Variants in ADGRE5 observed in about 807,000 individuals in gnomAD.
ADGRE5 encodes the protein adhesion G protein-coupled receptor E5, also known as CD97 molecule.
A neutral mutation model predicts 100.3 loss-of-function variants in ADGRE5; 72 were observed. The ratio of observed to expected loss-of-function variants is 0.72; its 90% CI spans 0.59 to 0.87. The LOEUF (loss-of-function observed/expected upper bound fraction) is 0.87, where lower values mean the gene tolerates loss of function less well. Among genes scored for constraint, ADGRE5 ranks in the 40% least tolerant of loss-of-function variants. The probability of loss-of-function intolerance (pLI) is 0.00; values close to 1 mark genes in which losing one functional copy is unlikely to be tolerated. For synonymous variants in ADGRE5, 439 were observed against 447.8 expected, an observed-to-expected ratio of 0.98 and a Z score of 0.25; for missense variants, 959 against 1,094.7, an observed-to-expected ratio of 0.88 and a Z score of 1.75.
intron 1 of ADGRE5, among the ~76,000 whole-genome samples, chr19:14,382,665 C>G (rs1018080589): frequency 1.3e-5 from 2 of 151,836 alleles, no homozygotes; most frequent in African/African-American, 4.8e-5. Flanking sequence ...GGACTGGAGA[C>G]TAGCCTGGGC....
At chr19:14,386,814 G>A (rs1446197920) in intron 1 of ADGRE5, among the ~76,000 whole-genome samples, 2 of 150,850 alleles carry the variant, frequency 1.3e-5, no homozygotes, top group Non-Finnish European at 2.9e-5. Flanking sequence ...GGGAGTTCAA[G>A]ACCAGCCTGG....
intron 18 of ADGRE5, among the ~76,000 whole-genome samples, chr19:14,407,696 G>A (rs900790235): frequency 6.6e-6 from 1 of 151,782 alleles, no homozygotes; most frequent in African/African-American, 2.4e-5. Context: ...TCAGGAGGCT[G>A]GGGCAAGAGG....
At chr19:14,407,276 T>C (rs372589064) in intron 18 of ADGRE5, 47 bp downstream of exon 18, 24 of 1,596,174 alleles carry the variant, frequency 1.5e-5, no homozygotes, top group African/African-American at 1.2e-4. Flanking sequence ...CTCCCACCTA[T>C]TTGGGAGGCT....
chr19:14,406,332 T>A lies in ADGRE5; in HGVS notation c.1823T>A (p.Val608Glu). 2 of 1,558,492 alleles carry A rather than the reference T, an allele frequency of 1.3e-6. No individual in the cohort carries two copies. The highest frequency in any genetic ancestry group is 1.7e-6 in the Non-Finnish European group (2 of 1,154,586). Residue 608 changes from valine to glutamate, a missense_variant and splice_region_variant, in exon 15 of 20, where the codon GTG becomes GAG. Coordinates refer to ENST00000242786, the MANE Select transcript of ADGRE5 (RefSeq NM_078481.4). This position sits in a 1 kb window ranked among gnomAD's most constrained non-coding sequence, Gnocchi z 6.0. ...LAGIENEGGQ[V>E]GLRCRLVAGL... ...CGCCCCTCCGTCCCCGCCCCGCAGG[T>A]GGGGCTGCGCTGCCGCCTGGTGGCC...
intron 9 of ADGRE5, among the ~76,000 whole-genome samples, chr19:14,400,078 G>A (rs1312131158): frequency 6.6e-6 from 1 of 151,810 alleles, no homozygotes; most frequent in Non-Finnish European, 1.5e-5. Flanking sequence ...GGAGTGCAGT[G>A]GCACGATCTC....
Position 14,404,707 on chromosome 19 carries a change from C to T in ADGRE5, c.1629+145C>T, listed in dbSNP as rs535867869. ...AGCCCAGGTGTCCCCACGTCACACC[C>T]TTCGCAGCCTCTTCCTTTGGCCTCT... is the stretch of plus-strand genomic sequence containing the variant. On this transcript the variant is annotated intron_variant, in intron 13 of 19. Coordinates refer to ENST00000242786, the MANE Select transcript of ADGRE5 (RefSeq NM_078481.4). The T allele has an allele frequency of 5.0e-5, 35 of 703,602 alleles. No homozygotes were observed. The South Asian group carries it at 6.4e-4, about 13-fold the overall frequency. 43.6% of individuals were successfully genotyped at this position (703,602 alleles called of 1,614,324 possible). A position where few individuals can be genotyped will look rare whatever the true frequency, so the allele number is the denominator to read the frequency against.
Position 14,399,584 on chromosome 19 carries a change from A to T in ADGRE5, c.897+1445A>T, listed in dbSNP as rs532980149. On this transcript the variant is annotated intron_variant, in intron 9 of 19. Transcript: ENST00000242786. ...GTCTCAAAAAAAAAAAAAAAAAAAA[A>T]AAAAAAAAAATTAGCTGGCGTGGTG... 3.4e-4 allele frequency among the ~76,000 whole-genome samples: 48 copies of T among 142,860 alleles called. 1 individual carries two copies. In the South Asian group the frequency reaches 9.8e-3, roughly 29 times the overall value. The allele number at this position is 142,860 out of a possible 152,430, so 93.7% of individuals were successfully genotyped here.
At chr19:14,387,416 G>C (rs2146347130) in intron 1 of ADGRE5, among the ~76,000 whole-genome samples, 1 of 152,244 alleles carries the variant, frequency 6.6e-6, no homozygotes, top group African/African-American at 2.4e-5. Context: ...GCAAGACTCT[G>C]TCTGTAAAAT....
At chr19:14,407,751 T>C (rs1007936392) in intron 18 of ADGRE5, among the ~76,000 whole-genome samples, 157 bp from the exon 19 acceptor site, 2 of 150,320 alleles carry the variant, frequency 1.3e-5, no homozygotes, top group Non-Finnish European at 3.0e-5. Context: ...GCTATGATGG[T>C]GCCACTACAC....
At chr19:14,381,590 C>A (rs749094992) in intron 1 of ADGRE5, 45 bp downstream of exon 1, 2 of 1,583,358 alleles carry the variant, frequency 1.3e-6, no homozygotes, top group African/African-American at 1.4e-5. Context: ...GAAGCTCCAG[C>A]GGGACCCCTT....
At chr19:14,389,441 G>C (rs910963415) in intron 3 of ADGRE5, among the ~76,000 whole-genome samples, 3 of 142,106 alleles carry the variant, frequency 2.1e-5, no homozygotes, top group African/African-American at 8.0e-5. Context: ...GGAAGGGAGG[G>C]AGAGAGATAG....
In ADGRE5 at chr19:14,397,170, G is replaced by A. The variant is rs746022180; in HGVS notation, c.572G>A (p.Gly191Asp). The A allele has an allele frequency of 3.7e-6, 6 of 1,614,128 alleles. No homozygotes were observed. Among genetic ancestry groups the A allele is most frequent in the Non-Finnish European group, 5.1e-6 (6 of 1,180,008 alleles). ...AGCTATCAGTGCCGCTGCCGCCCGG[G>A]CTGGCAACCGATTCCGGGGTCCCCC... Reference protein sequence around the residue: ...VGSYQCRCRPGWQPIPGSPNG... With the variant: ...VGSYQCRCRPDWQPIPGSPNG... Residue 191 changes from glycine to aspartate, a missense_variant, in exon 6 of 20, where the codon GGC (glycine) becomes GAC (aspartate). Coordinates refer to ENST00000242786, the MANE Select transcript of ADGRE5 (RefSeq NM_078481.4).
Position 14,388,824 on chromosome 19 carries a change from G to C in ADGRE5, c.190+6G>C, listed in dbSNP as rs1568308273. The C allele has an allele frequency of 1.2e-6, 2 of 1,612,046 alleles. No individual in the cohort carries two copies. Among genetic ancestry groups the C allele is most frequent in the Non-Finnish European group, 1.7e-6 (2 of 1,178,482 alleles). ...CCCGACGGAGACTTGTGACGGTACA[G>C]AGGCTTGAGGGCAGCGCAGGGGACA... is the stretch of plus-strand genomic sequence containing the variant. On this transcript the variant is annotated splice_donor_region_variant and intron_variant, in intron 3 of 19. Coordinates refer to ENST00000242786, the MANE Select transcript of ADGRE5 (RefSeq NM_078481.4).
intron 11 of ADGRE5, among the ~76,000 whole-genome samples, chr19:14,402,109 C>T (rs1255887444): frequency 2.0e-5 from 3 of 150,228 alleles, no homozygotes; most frequent in Admixed American, 6.7e-5. Context: ...CCAGCCTGGA[C>T]GACATAGTGA....
chr19:14,402,289 G>A (rs1466653276), intron 11 of ADGRE5, among the ~76,000 whole-genome samples: 3 of 152,052 alleles, frequency 2.0e-5, no homozygotes, highest in African/African-American at 4.8e-5. Flanking sequence ...ACAAAAATTA[G>A]CTGGGAGTGG....
chr19:14,406,776 C>A lies in ADGRE5; in HGVS notation c.2115+10C>A. 6.2e-7 allele frequency: 1 copy of A among 1,613,946 alleles called. No individual in the cohort carries two copies. On this transcript the variant is annotated intron_variant, in intron 16 of 19. Coordinates refer to ENST00000242786, the MANE Select transcript of ADGRE5 (RefSeq NM_078481.4). The surrounding 1 kb of genome is among the most constrained non-coding windows in gnomAD (Gnocchi z 6.0). ...GACCTTCATCATTTTGGTAAGTACCCACTCTCCCTCCACCGAAGCCCGAGC... is the reference window on the plus strand; with the variant it reads ...GACCTTCATCATTTTGGTAAGTACCAACTCTCCCTCCACCGAAGCCCGAGC...
rs770383003 is a variant in ADGRE5 at position 14,401,490 on chromosome 19, T to A, written c.1002T>A (p.Leu334=). Residue 334 remains leucine, a synonymous_variant, in exon 10 of 20, where the codon CTT becomes CTA. Transcript: ENST00000242786. This position sits in a 1 kb window ranked among gnomAD's most constrained non-coding sequence, Gnocchi z 4.1. The part of the protein sequence containing the change: ...HLIATQLLSN[L]EDIMRILAKS... ...TAGCCACCCAGCTGCTCTCAAACCT[T>A]GAAGATATCATGAGGATCCTGGCCA... is the stretch of plus-strand genomic sequence containing the variant. 82 of 1,614,116 alleles carry A rather than the reference T, an allele frequency of 5.1e-5. No homozygotes were observed. Among genetic ancestry groups the A allele is most frequent in the Non-Finnish European group, 6.8e-5 (80 of 1,180,012 alleles).
intron 12 of ADGRE5, among the ~76,000 whole-genome samples, chr19:14,403,710 T>C (rs1976102784): frequency 6.6e-6 from 1 of 151,886 alleles, no homozygotes; most frequent in African/African-American, 2.4e-5. Context: ...CCACAGCTGG[T>C]CTCAAACTCC....
chr19:14,382,239 C>G (rs1024207606), intron 1 of ADGRE5, among the ~76,000 whole-genome samples: 1 of 152,174 alleles, frequency 6.6e-6, no homozygotes, highest in Non-Finnish European at 1.5e-5. Flanking sequence ...CCAGAACTTC[C>G]TGGACCACAG....
Sources: gnomAD v4.1 joint callset for allele counts (sites outside exome capture counted in the v4.1 genomes callset) on GRCh38, gnomAD v4.1.1 for gene constraint, Gnocchi (gnomAD v3.1) non-coding constraint, MANE v1.5 for transcripts, NCBI Gene and HGNC (gene_info 2026-07-23, HGNC 2026-07-21) for gene names.